KDM4B: variants seen among roughly 807,000 people sequenced by gnomAD.
The protein encoded by KDM4B is lysine-specific demethylase 4B.
In KDM4B, 32 loss-of-function variants were observed where a neutral mutation model predicts 125.2. That is an observed-to-expected ratio of 0.26 (90% CI 0.19 to 0.34). KDM4B has a LOEUF of 0.34. Among genes scored for constraint, KDM4B ranks in the 10% least tolerant of loss-of-function variants. The pLI is 1.00. For missense variants in KDM4B, 1,190 were observed against 1,577.7 expected, an observed-to-expected ratio of 0.75 and a Z score of 4.16; for synonymous variants, 721 against 677.9, an observed-to-expected ratio of 1.06 and a Z score of -0.99.
At chr19:5,065,287 C>A (rs542566937) in intron 6 of KDM4B, among the ~76,000 whole-genome samples, 1 of 152,232 alleles carries the variant, frequency 6.6e-6, no homozygotes. Flanking sequence ...GTCTGCTCAC[C>A]GTCATCGTAG....
At chr19:5,019,662 GTGTTGGCGTGGA>G in intron 2 of KDM4B, among the ~76,000 whole-genome samples, 1 of 149,102 alleles carries the variant, frequency 6.7e-6, no homozygotes, top group Admixed American at 6.7e-5. Context: ...TGGTGTGCAG[GTGTTGGCGTGGA>G]TGTTGGTGTG....
chr19:5,094,776 C>T (rs1335989471), intron 9 of KDM4B, among the ~76,000 whole-genome samples: 1 of 152,180 alleles, frequency 6.6e-6, no homozygotes, highest in African/African-American at 2.4e-5. Context: ...ACGGGCCACA[C>T]GTAGCACCGT....
intron 6 of KDM4B, among the ~76,000 whole-genome samples, chr19:5,057,029 C>CGTGT (rs74170763): frequency 0.031 from 4,450 of 144,092 alleles, 145 homozygotes; most frequent in African/African-American, 0.073. Flanking sequence ...GATATATATG[C>CGTGT]GTGTGTGTGT....
chr19:5,073,534 C>T (rs2038012189), intron 7 of KDM4B, among the ~76,000 whole-genome samples: 1 of 152,264 alleles, frequency 6.6e-6, no homozygotes, highest in Non-Finnish European at 1.5e-5. Flanking sequence ...CTACAGTTAG[C>T]CACTGTCCCC....
At chr19:5,125,298 C>T (rs1408077746) in intron 11 of KDM4B, among the ~76,000 whole-genome samples, 1 of 152,212 alleles carries the variant, frequency 6.6e-6, no homozygotes, top group Non-Finnish European at 1.5e-5. Flanking sequence ...TGGGCCTCAC[C>T]ATGGCCTTGG....
At chr19:5,062,351 G>A (rs1245459025) in intron 6 of KDM4B, among the ~76,000 whole-genome samples, 3 of 152,240 alleles carry the variant, frequency 2.0e-5, no homozygotes, top group African/African-American at 4.8e-5. Flanking sequence ...ATCCTCCTGG[G>A]GTGGCCATCG....
intron 7 of KDM4B, 143 bp downstream of exon 7, chr19:5,071,202 C>G: frequency 1.4e-6 from 1 of 707,632 alleles, no homozygotes; most frequent in Non-Finnish European, 2.3e-6. Flanking sequence ...TGAGCCATTA[C>G]TGTGTGATTT....
Position 5,151,854 on chromosome 19 carries a change from A to G in KDM4B, c.*343A>G. ...CTTCTGTACATAAACCACCTTTGTG[A>G]GGCTCTTTCTATAAATACATATTGT... is the stretch of plus-strand genomic sequence containing the variant. On this transcript the variant is annotated 3_prime_UTR_variant, in exon 23 of 23. Coordinates refer to ENST00000159111, the MANE Select transcript of KDM4B (RefSeq NM_015015.3). 3.8e-6 allele frequency: 1 copy of G among 263,246 alleles called. No homozygotes were observed. The allele number at this position is 263,246 out of a possible 1,614,324, so 16.3% of individuals were successfully genotyped here. A position where few individuals can be genotyped will look rare whatever the true frequency, so the allele number is the denominator to read the frequency against.
In KDM4B at chr19:5,082,260, T is replaced by G. The variant is rs2038322098; in HGVS notation, c.781-107T>G. 1 of 1,380,028 alleles carries G rather than the reference T, an allele frequency of 7.2e-7. No homozygotes were observed. Among genetic ancestry groups the G allele is most frequent in the African/African-American group, 1.4e-5 (1 of 69,312 alleles). 85.5% of individuals were successfully genotyped at this position (1,380,028 alleles called of 1,614,324 possible). On this transcript the variant is annotated intron_variant, in intron 8 of 22. Coordinates refer to ENST00000159111, the MANE Select transcript of KDM4B (RefSeq NM_015015.3). The surrounding 1 kb of genome is among the most constrained non-coding windows in gnomAD (Gnocchi z 5.4). ...TCACCTTTGACTTTGTGAAACCCCC[T>G]TGGCTCATAAGCCAGGCTCCCTGGC...
At position 5,137,822 on chromosome 19, in the gene KDM4B, A is replaced by C. The variant is rs957096559; in HGVS notation, c.2442-140A>C. ...GTCATGGATGGGGTGGCCAGGGCTGAGGAGGAGCATACGCCTGCACCGACC... is the reference window on the plus strand; with the variant it reads ...GTCATGGATGGGGTGGCCAGGGCTGCGGAGGAGCATACGCCTGCACCGACC... On this transcript the variant is annotated intron_variant, in intron 17 of 22. Transcript: ENST00000159111. 7.7e-6 allele frequency: 8 copies of C among 1,044,550 alleles called. No homozygotes were observed. In the East Asian group the frequency reaches 1.6e-4, roughly 20 times the overall value. 64.7% of individuals were successfully genotyped at this position (1,044,550 alleles called of 1,614,324 possible).
intron 12 of KDM4B, among the ~76,000 whole-genome samples, 166 bp from the exon 13 acceptor site, chr19:5,131,721 G>A (rs1201926837): frequency 1.3e-5 from 2 of 150,912 alleles, no homozygotes; most frequent in Admixed American, 6.6e-5. Context: ...GGTAGGTGGG[G>A]TGTCTGTACT....
intron 6 of KDM4B, among the ~76,000 whole-genome samples, chr19:5,059,385 A>G (rs2145765968): frequency 6.6e-6 from 1 of 152,334 alleles, no homozygotes; most frequent in East Asian, 1.9e-4. Context: ...GCCCTCATTC[A>G]GCAGCCTCCC....
chr19:5,067,570 G>C (rs775939174), intron 6 of KDM4B, among the ~76,000 whole-genome samples: 1 of 150,934 alleles, frequency 6.6e-6, no homozygotes, highest in African/African-American at 2.4e-5. Context: ...GAGGTTGACA[G>C]AGTCAGAGGA....
intron 22 of KDM4B, 98 bp downstream of exon 22, chr19:5,150,548 C>T: frequency 1.2e-6 from 1 of 832,314 alleles, no homozygotes; most frequent in Non-Finnish European, 1.9e-6. Flanking sequence ...GCGTGGACCA[C>T]CCCCTCCTCT....
At chr19:5,123,193 CG>C (rs1186906945) in intron 11 of KDM4B, among the ~76,000 whole-genome samples, 1 of 152,228 alleles carries the variant, frequency 6.6e-6, no homozygotes, top group African/African-American at 2.4e-5. Flanking sequence ...CACGACCTCG[CG>C]TGGCACGGGG....
intron 21 of KDM4B, among the ~76,000 whole-genome samples, chr19:5,145,145 A>G (rs2039819903): frequency 6.6e-6 from 1 of 151,608 alleles, no homozygotes; most frequent in South Asian, 2.1e-4. Flanking sequence ...TCCCTTTGAG[A>G]CACCTTCTCA....
chr19:5,132,863 G>A (rs1292476099), intron 13 of KDM4B, among the ~76,000 whole-genome samples: 1 of 152,186 alleles, frequency 6.6e-6, no homozygotes, highest in Non-Finnish European at 1.5e-5. Context: ...CAGGGCCTCG[G>A]GGCCGCTTAG....
chr19:5,052,800 C>T (rs1314137936), intron 6 of KDM4B, among the ~76,000 whole-genome samples: 5 of 152,268 alleles, frequency 3.3e-5, no homozygotes, highest in Non-Finnish European at 7.3e-5. Flanking sequence ...AGCGCGCTGG[C>T]GCCCGGGGAC....
chr19:5,093,462 G>A (rs2038753096), intron 9 of KDM4B, among the ~76,000 whole-genome samples: 1 of 152,148 alleles, frequency 6.6e-6, no homozygotes, highest in Non-Finnish European at 1.5e-5. Context: ...GGGAGCCGGC[G>A]CCTAATTGTT....
Sources: gnomAD v4.1 joint callset for allele counts (sites outside exome capture counted in the v4.1 genomes callset) on GRCh38, gnomAD v4.1.1 for gene constraint, Gnocchi (gnomAD v3.1) non-coding constraint, MANE v1.5 for transcripts, NCBI Gene and HGNC (gene_info 2026-07-23, HGNC 2026-07-21) for gene names.